Variants in TMEM132D observed in about 807,000 individuals in gnomAD.
TMEM132D encodes mature OL transmembrane protein.
Under a neutral mutation model 62.3 loss-of-function variants are expected in TMEM132D, and 21 were observed. The ratio of observed to expected loss-of-function variants is 0.34; its 90% CI spans 0.24 to 0.49. The LOEUF (loss-of-function observed/expected upper bound fraction) is 0.49, where lower values mean the gene tolerates loss of function less well. Among genes scored for constraint, TMEM132D ranks in the 20% least tolerant of loss-of-function variants. TMEM132D has a pLI of 0.99. For missense variants in TMEM132D, 1,346 were observed against 1,402.8 expected (o/e 0.96, Z 0.65); for synonymous variants, 621 against 575.6 (o/e 1.08, Z -1.13).
At chr12:129,428,105 C>CA (rs929925584) in intron 3 of TMEM132D, among the ~76,000 whole-genome samples, 1 of 151,970 alleles carries the variant, frequency 6.6e-6, no homozygotes, top group Admixed American at 6.5e-5. Context: ...CACAAGCAAA[C>CA]AAAAACAAAA....
At chr12:129,694,651 C>T (rs1593123121) in intron 2 of TMEM132D, among the ~76,000 whole-genome samples, 1 of 152,306 alleles carries the variant, frequency 6.6e-6, no homozygotes, top group East Asian at 1.9e-4. Flanking sequence ...TGAGCTGTAA[C>T]CAATCCAGCT....
intron 5 of TMEM132D, among the ~76,000 whole-genome samples, chr12:129,201,305 A>C (rs1425234365): frequency 6.6e-6 from 1 of 152,094 alleles, no homozygotes; most frequent in Non-Finnish European, 1.5e-5. Flanking sequence ...TGGCTTTAGG[A>C]GAGAGTGGCT....
chr12:129,195,746 C>T (rs10773610), intron 5 of TMEM132D, among the ~76,000 whole-genome samples: 55,015 of 151,936 alleles, frequency 0.36, 10,287 homozygotes, highest in East Asian at 0.57. Context: ...TTTTTTGTGG[C>T]CACAGAACTA....
At chr12:129,792,499 C>A (rs991776394) in intron 1 of TMEM132D, among the ~76,000 whole-genome samples, 1 of 152,140 alleles carries the variant, frequency 6.6e-6, no homozygotes, top group Admixed American at 6.6e-5. Flanking sequence ...TCTCATTCAT[C>A]GTCCGGTACA....
chr12:129,428,563 ATTTG>A (rs1478598574), intron 3 of TMEM132D, among the ~76,000 whole-genome samples: 1 of 152,144 alleles, frequency 6.6e-6, no homozygotes, highest in Admixed American at 6.5e-5. Context: ...TTTTTTATTT[ATTTG>A]TTTATTTGTA....
At chr12:129,369,625 G>A (rs904565110) in intron 3 of TMEM132D, among the ~76,000 whole-genome samples, 4 of 152,236 alleles carry the variant, frequency 2.6e-5, no homozygotes, top group African/African-American at 9.6e-5. Flanking sequence ...TAGCCATTGA[G>A]AGGCTGTTTG....
chr12:129,181,937 C>T (rs1403900577), intron 5 of TMEM132D, among the ~76,000 whole-genome samples: 1 of 152,176 alleles, frequency 6.6e-6, no homozygotes, highest in Non-Finnish European at 1.5e-5. Flanking sequence ...TTTCTCACCA[C>T]CACCAGTGTG....
rs77778748 is a variant in TMEM132D at position 129,074,217 on chromosome 12, C to T, written c.2958G>A (p.Glu986=). The T allele has an allele frequency of 0.016, 26,400 of 1,613,990 alleles. 293 individuals carry two copies. The highest frequency in any genetic ancestry group is 0.018 in the Non-Finnish European group (21,783 of 1,180,000). ...TGCCCCTGTCAATGGCAGTGATTTG[C>T]TCATCTTGCGAGGAGGCAAAGTTGA... is the stretch of plus-strand genomic sequence containing the variant. ...NHINFASSQD[E]QITAIDRGMD... Residue 986 remains glutamate, a synonymous_variant, in exon 9 of 9, where the codon GAG becomes GAA. Coordinates refer to ENST00000422113, the MANE Select transcript of TMEM132D (RefSeq NM_133448.3).
intron 2 of TMEM132D, among the ~76,000 whole-genome samples, chr12:129,637,659 T>TA (rs955033789): frequency 2.6e-5 from 4 of 152,160 alleles, no homozygotes; most frequent in African/African-American, 7.2e-5. Context: ...GGGTAATTTA[T>TA]AAAAAAAGAA....
At chr12:129,654,268 TCTCA>T (rs1327316767) in intron 2 of TMEM132D, among the ~76,000 whole-genome samples, 5 of 137,704 alleles carry the variant, frequency 3.6e-5, no homozygotes, top group African/African-American at 5.4e-5. Flanking sequence ...TCTCTCTCTC[TCTCA>T]CTCTCTCGTG....
At chr12:129,320,906 A>G (rs1868679406) in intron 4 of TMEM132D, among the ~76,000 whole-genome samples, 1 of 151,332 alleles carries the variant, frequency 6.6e-6, no homozygotes, top group Admixed American at 6.6e-5. Flanking sequence ...AGTACCAATA[A>G]TGACTTAAAT....
Position 129,238,206 on chromosome 12 carries a change from G to A in TMEM132D, c.1300-28543C>T, listed in dbSNP as rs1186449095. ...ACACAGGCAAGACGGCCCCAGACTT[G>A]TTGACATTTTTATTCAATGCAATAG... On this transcript the variant is annotated intron_variant, in intron 4 of 8. Transcript: ENST00000422113. Among the ~76,000 whole-genome samples the A allele has an allele frequency of 3.3e-5, 5 of 152,236 alleles. No individual in the cohort carries two copies. The East Asian group carries it at 9.7e-4, about 29-fold the overall frequency.
At chr12:129,507,877 T>C (rs1190784546) in intron 3 of TMEM132D, among the ~76,000 whole-genome samples, 4 of 152,088 alleles carry the variant, frequency 2.6e-5, no homozygotes, top group African/African-American at 9.7e-5. Context: ...CATTAAAAAA[T>C]AGAAAGTCTA....
rs1593297116 is a variant in TMEM132D, at chr12:129,209,759, C to G, written c.1300-96G>C. 4 of 1,513,952 alleles carry G rather than the reference C, an allele frequency of 2.6e-6. No individual in the cohort carries two copies. The East Asian group carries it at 6.8e-5, about 26-fold the overall frequency. The allele number at this position is 1,513,952 out of a possible 1,614,324, so 93.8% of individuals were successfully genotyped here. On this transcript the variant is annotated intron_variant, in intron 4 of 8. Coordinates refer to ENST00000422113, the MANE Select transcript of TMEM132D (RefSeq NM_133448.3). ...TGCCTTTCCTCAGCCTCCCTGCAAACAGCACTGGCCTCTTCTGCAGGCTCA... is the reference window on the plus strand; with the variant it reads ...TGCCTTTCCTCAGCCTCCCTGCAAAGAGCACTGGCCTCTTCTGCAGGCTCA...
intron 3 of TMEM132D, among the ~76,000 whole-genome samples, chr12:129,515,318 C>G (rs1472306426): frequency 6.6e-6 from 1 of 152,200 alleles, no homozygotes; most frequent in African/African-American, 2.4e-5. Flanking sequence ...GTACACATAC[C>G]TTTCCCCACA....
At chr12:129,190,861 T>C (rs535201289) in intron 5 of TMEM132D, among the ~76,000 whole-genome samples, 45 of 152,184 alleles carry the variant, frequency 3.0e-4, no homozygotes, top group Non-Finnish European at 5.6e-4. Flanking sequence ...CCTAGCTCTC[T>C]GTTCTCAGTG....
At chr12:129,337,441 G>GCGCACACACACACACACA (rs56091765) in intron 4 of TMEM132D, among the ~76,000 whole-genome samples, 193 bp downstream of exon 4, 3 of 148,112 alleles carry the variant, frequency 2.0e-5, no homozygotes, top group Admixed American at 6.7e-5. Flanking sequence ...ATACACACAC[G>GCGCACACACACACACACA]CACACACACA....
At chr12:129,524,809 T>C (rs927382215) in intron 3 of TMEM132D, among the ~76,000 whole-genome samples, 3 of 151,716 alleles carry the variant, frequency 2.0e-5, no homozygotes, top group Non-Finnish European at 4.4e-5. Context: ...GAGCGGAGAC[T>C]GCGCCACTGT....
At chr12:129,515,405 A>G (rs1759206505) in intron 3 of TMEM132D, among the ~76,000 whole-genome samples, 1 of 152,240 alleles carries the variant, frequency 6.6e-6, no homozygotes, top group Non-Finnish European at 1.5e-5. Context: ...GGGCACTACC[A>G]ATGTGATTGA....
Sources: allele counts gnomAD v4.1 joint callset (sites outside exome capture counted in the v4.1 genomes callset), GRCh38; gene constraint gnomAD v4.1.1; transcripts MANE v1.5; gene names NCBI Gene and HGNC (gene_info 2026-07-23, HGNC 2026-07-21).